The following TANGO6 variants were observed in gnomAD, a reference collection of about 807,000 sequenced individuals.
The protein encoded by TANGO6 is transport and Golgi organization protein 6 homolog.
TANGO6 carries 90 observed loss-of-function variants against 114.2 expected under a neutral mutation model. The ratio of observed to expected loss-of-function variants is 0.79; its 90% confidence interval spans 0.66 to 0.94. The LOEUF (loss-of-function observed/expected upper bound fraction) is 0.94, where lower values mean the gene tolerates loss of function less well. TANGO6 is among the 40% of genes least tolerant of loss of function. The probability of loss-of-function intolerance (pLI) is 0.00; values close to 1 mark genes in which losing one functional copy is unlikely to be tolerated. For missense variants in TANGO6, 1,274 were observed against 1,315.3 expected (o/e 0.97, Z 0.49); for synonymous variants, 477 against 509.8 (o/e 0.94, Z 0.87).
At chr16:68,943,175 A>G (rs1338559706) in intron 14 of TANGO6, among the ~76,000 whole-genome samples, 1 of 151,704 alleles carries the variant, frequency 6.6e-6, no homozygotes, top group Non-Finnish European at 1.5e-5. Flanking sequence ...GGCTGGGATT[A>G]CAGGTGTGAG....
intron 17 of TANGO6, among the ~76,000 whole-genome samples, chr16:69,060,999 A>G (rs1333269968): frequency 6.6e-6 from 1 of 151,928 alleles, no homozygotes; most frequent in Non-Finnish European, 1.5e-5. Context: ...TAAAAAAAAA[A>G]CAAAAAAAAC....
At chr16:69,048,848 G>A (rs1361912732) in intron 17 of TANGO6, among the ~76,000 whole-genome samples, 1 of 152,172 alleles carries the variant, frequency 6.6e-6, no homozygotes, top group Admixed American at 6.5e-5. Flanking sequence ...TCCTGAGAGA[G>A]CAGGGCCAAA....
chr16:69,041,827 A>T (rs1959778782), intron 17 of TANGO6, among the ~76,000 whole-genome samples: 1 of 152,226 alleles, frequency 6.6e-6, no homozygotes, highest in Admixed American at 6.5e-5. Flanking sequence ...TTCTCACATC[A>T]CAAGAAATAT....
At chr16:69,056,440 T>G (rs1409224222) in intron 17 of TANGO6, among the ~76,000 whole-genome samples, 1 of 152,194 alleles carries the variant, frequency 6.6e-6, no homozygotes. Flanking sequence ...CCTGGCACAC[T>G]AACTTCATGA....
At chr16:68,915,227 A>G (rs545185979) in intron 11 of TANGO6, among the ~76,000 whole-genome samples, 8 of 151,980 alleles carry the variant, frequency 5.3e-5, no homozygotes. Context: ...GGAAGGCTAA[A>G]TAGTCCTAGT....
intron 17 of TANGO6, among the ~76,000 whole-genome samples, chr16:69,054,688 C>T (rs976884967): frequency 6.6e-6 from 1 of 151,856 alleles, no homozygotes; most frequent in African/African-American, 2.4e-5. Context: ...AATCCCAGCA[C>T]TTTGGGAGGC....
At chr16:68,901,130 C>A (rs150264299) in intron 8 of TANGO6, among the ~76,000 whole-genome samples, 1 of 152,248 alleles carries the variant, frequency 6.6e-6, no homozygotes, top group East Asian at 1.9e-4. Flanking sequence ...TATCTCAAGT[C>A]CTATAGAATT....
intron 14 of TANGO6, among the ~76,000 whole-genome samples, chr16:68,951,084 G>A (rs1243933213): frequency 1.3e-5 from 2 of 152,012 alleles, no homozygotes; most frequent in Non-Finnish European, 2.9e-5. Context: ...AGCACTTTGG[G>A]AGGTCGATGT....
chr16:69,074,006 C>T (rs1032890147), intron 17 of TANGO6, among the ~76,000 whole-genome samples: 24 of 151,660 alleles, frequency 1.6e-4, no homozygotes, highest in Admixed American at 1.4e-3. Context: ...AGAGTCAGGC[C>T]CCCGACCTAG....
intron 7 of TANGO6, 184 bp from the exon 8 acceptor site, chr16:68,900,250 C>T (rs1962763843): frequency 3.4e-6 from 2 of 589,290 alleles, no homozygotes; most frequent in East Asian, 2.8e-5. Flanking sequence ...TGTCTTGTTT[C>T]AGCCTGTCTG....
chr16:68,880,660 T>G, intron 7 of TANGO6, 30 bp downstream of exon 7: 1 of 1,481,768 alleles, frequency 6.7e-7, no homozygotes, highest in Non-Finnish European at 9.0e-7. Flanking sequence ...AATGTTTTTA[T>G]TTACTTCTTA....
rs184373902 is a variant in TANGO6 at position 68,942,717 on chromosome 16, G to A, written c.2701+12422G>A. Among the ~76,000 whole-genome samples, 34 of 152,238 alleles carry A rather than the reference G, an allele frequency of 2.2e-4. No individual in the cohort carries two copies. The East Asian group carries it at 3.9e-3, about 17-fold the overall frequency. The stretch of plus-strand genomic sequence containing the variant: ...AGGCCATAATGGCAGAGTTAGAACT[G>A]GAGAAAAAGTTCAGGAGCTGATGAC... On this transcript the variant is annotated intron_variant, in intron 14 of 17. Transcript: ENST00000261778.
chr16:68,991,297 G>T (rs1963944052), intron 15 of TANGO6, among the ~76,000 whole-genome samples: 1 of 152,144 alleles, frequency 6.6e-6, no homozygotes, highest in African/African-American at 2.4e-5. Flanking sequence ...TATGTGGTTG[G>T]CAGGGACATG....
chr16:68,980,566 T>C (rs918992411), intron 15 of TANGO6, among the ~76,000 whole-genome samples: 4 of 151,294 alleles, frequency 2.6e-5, no homozygotes, highest in African/African-American at 9.7e-5. Flanking sequence ...ACTGCACCTA[T>C]AGTTCCAGCT....
intron 14 of TANGO6, among the ~76,000 whole-genome samples, chr16:68,965,398 G>A (rs1377811753): frequency 6.6e-6 from 1 of 152,140 alleles, no homozygotes; most frequent in Non-Finnish European, 1.5e-5. Flanking sequence ...TCACCCTGCA[G>A]GGGCAACCAA....
At position 69,069,243 on chromosome 16, in the gene TANGO6, T is replaced by C. The variant is rs545045891; in HGVS notation, c.3109-14242T>C. Reference sequence around the variant, plus strand: ...GCCTCCCCAACAGGGTGTGAGCTCCTGGGTGTGGGAGCCATTCAGCAGAAT... The same window carrying C: ...GCCTCCCCAACAGGGTGTGAGCTCCCGGGTGTGGGAGCCATTCAGCAGAAT... On this transcript the variant is annotated intron_variant, in intron 17 of 17. Coordinates refer to ENST00000261778, the MANE Select transcript of TANGO6 (RefSeq NM_024562.2). 1.6e-4 allele frequency among the ~76,000 whole-genome samples: 24 copies of C among 152,320 alleles called. 1 individual carries two copies. In the South Asian group the frequency reaches 5.0e-3, roughly 32 times the overall value.
intron 11 of TANGO6, 109 bp downstream of exon 11, chr16:68,909,511 T>C (rs1597015575): frequency 2.9e-6 from 3 of 1,049,720 alleles, no homozygotes; most frequent in Non-Finnish European, 3.8e-6. Flanking sequence ...ATGAGGTGTT[T>C]CCTGGAATGC....
chr16:68,857,189 T>C (rs1212974687), intron 1 of TANGO6, among the ~76,000 whole-genome samples: 2 of 152,160 alleles, frequency 1.3e-5, no homozygotes, highest in Non-Finnish European at 2.9e-5. Flanking sequence ...CTACTCCTGA[T>C]CTTTTTACTG....
In TANGO6 at chr16:69,083,515, C is replaced by T; in HGVS notation, c.3139C>T (p.His1047Tyr). ...VLSAVLKDLY[H>Y]LLKHVVCLEP... ...GAGCGCCGTCCTCAAGGATCTCTAC[C>T]ACCTGCTGAAGCACGTAGTGTGTCT... Residue 1047 changes from histidine (H) to tyrosine (Y), a missense_variant, in exon 18 of 18, where the codon CAC (histidine) becomes TAC (tyrosine). Physicochemically the swap from His to Tyr is moderately conservative, Grantham distance 83. This residue lies in a region of TANGO6 where 238 missense variants were observed against 252.9 expected (regional missense o/e 0.94). Transcript: ENST00000261778. 1 of 1,612,446 alleles carries T rather than the reference C, an allele frequency of 6.2e-7. No individual in the cohort carries two copies. Among genetic ancestry groups the T allele is most frequent in the Non-Finnish European group, 8.5e-7 (1 of 1,179,294 alleles).
Sources: allele counts gnomAD v4.1 joint callset (sites outside exome capture counted in the v4.1 genomes callset), GRCh38; gene constraint gnomAD v4.1.1; regional missense constraint gnomAD v4.1.1; transcripts MANE v1.5; gene names NCBI Gene and HGNC (gene_info 2026-07-23, HGNC 2026-07-21).